ANKFY1: variants seen among roughly 807,000 people sequenced by gnomAD.
ANKFY1 encodes the protein ankyrin repeat and FYVE domain-containing protein 1.
A neutral mutation model predicts 128.3 loss-of-function variants in ANKFY1; 47 were observed. The ratio of observed to expected loss-of-function variants is 0.37; its 90% CI spans 0.29 to 0.47. The LOEUF is 0.47. Among genes scored for constraint, ANKFY1 ranks in the 20% least tolerant of loss-of-function variants. The pLI is 1.00. For synonymous variants in ANKFY1, 553 were observed against 601.6 expected (o/e 0.92, Z 1.18); for missense variants, 1,222 against 1,510.6 (o/e 0.81, Z 3.17).
chr17:4,199,238 C>A (rs1056643841), intron 7 of ANKFY1, among the ~76,000 whole-genome samples: 5 of 152,266 alleles, frequency 3.3e-5, no homozygotes, highest in Admixed American at 2.6e-4. Context: ...GCCACCCAGG[C>A]TGGTGCACTG....
intron 2 of ANKFY1, among the ~76,000 whole-genome samples, chr17:4,241,025 G>A (rs1967183170): frequency 6.6e-6 from 1 of 152,080 alleles, no homozygotes; most frequent in South Asian, 2.1e-4. Context: ...CTAACATCCT[G>A]TTGCCGCTAT....
chr17:4,242,304 C>T lies in ANKFY1; in HGVS notation c.155G>A (p.Ser52Asn). The T allele has an allele frequency of 6.3e-7, 1 of 1,593,752 alleles. No individual in the cohort carries two copies. Among genetic ancestry groups the T allele is most frequent in the Non-Finnish European group, 8.5e-7 (1 of 1,172,890 alleles). ...NKESSSESFISRLLAIVADLY... is the reference protein window; with the variant it reads ...NKESSSESFINRLLAIVADLY... ...GTCTGCCACGATGGCCAGCAGACGGCTGATGAAGGACTCGCTGCTGCTCTC... is the reference window on the plus strand; with the variant it reads ...GTCTGCCACGATGGCCAGCAGACGGTTGATGAAGGACTCGCTGCTGCTCTC... Residue 52 changes from serine to asparagine, a missense_variant, in exon 2 of 25, where the codon AGC becomes AAC. By Grantham distance (46) the Ser-to-Asn change is conservative. Transcript: ENST00000341657.
chr17:4,254,357 C>A (rs1320559336), intron 1 of ANKFY1, among the ~76,000 whole-genome samples: 1 of 150,308 alleles, frequency 6.7e-6, no homozygotes, highest in African/African-American at 2.4e-5. Context: ...GGAGTCTGAC[C>A]CACTCAGAGT....
At chr17:4,236,949 A>C (rs1966935955) in intron 2 of ANKFY1, among the ~76,000 whole-genome samples, 1 of 152,094 alleles carries the variant, frequency 6.6e-6, no homozygotes, top group African/African-American at 2.4e-5. Flanking sequence ...CATCCTGGCT[A>C]ACATAGTGAA....
chr17:4,256,344 C>T (rs1013365829), intron 1 of ANKFY1, among the ~76,000 whole-genome samples: 2 of 152,120 alleles, frequency 1.3e-5, no homozygotes, highest in African/African-American at 4.8e-5. Context: ...AGGAGAACGG[C>T]GTGAACCCGG....
chr17:4,217,344 C>G (rs1479054130), intron 3 of ANKFY1, among the ~76,000 whole-genome samples: 1 of 152,110 alleles, frequency 6.6e-6, no homozygotes, highest in African/African-American at 2.4e-5. Flanking sequence ...GTCAGGAGTT[C>G]GAGACCAGCC....
At chr17:4,247,039 G>C (rs1187418150) in intron 1 of ANKFY1, among the ~76,000 whole-genome samples, 1 of 151,850 alleles carries the variant, frequency 6.6e-6, no homozygotes, top group East Asian at 1.9e-4. Context: ...CTTGAGCCTG[G>C]TAGGACGTAG....
chr17:4,190,196 T>C (rs760470808), intron 10 of ANKFY1, among the ~76,000 whole-genome samples: 4 of 152,202 alleles, frequency 2.6e-5, no homozygotes, highest in Non-Finnish European at 5.9e-5. Context: ...ATCCCAGCAC[T>C]TTTGGAGGCC....
intron 7 of ANKFY1, among the ~76,000 whole-genome samples, chr17:4,204,896 C>G (rs1222989629): frequency 6.6e-6 from 1 of 152,120 alleles, no homozygotes; most frequent in Non-Finnish European, 1.5e-5. Flanking sequence ...CTGACATACT[C>G]GAAGGATTTC....
chr17:4,185,019 G>A lies in ANKFY1; in HGVS notation c.1498C>T (p.Arg500Trp). 2.5e-6 allele frequency: 4 copies of A among 1,613,550 alleles called. No homozygotes were observed. The highest frequency in any genetic ancestry group is 1.3e-5 in the African/African-American group (1 of 75,064). ...GCCGTGAGGTTGGCCAGGCCATGCC[G>A]ACACGCTGTGTGCAACGGGGTTTCT... Reference protein sequence around the residue: ...WGETPLHTACRHGLANLTAEL... With the variant: ...WGETPLHTACWHGLANLTAEL... The change falls in exon 12 of 25, where the codon CGG becomes TGG. Residue 500 changes from arginine to tryptophan, a missense_variant. Coordinates refer to ENST00000341657, the MANE Select transcript of ANKFY1 (RefSeq NM_001330063.2).
intron 3 of ANKFY1, chr17:4,222,789 A>C: frequency 9.9e-7 from 1 of 1,010,814 alleles, no homozygotes; most frequent in South Asian, 1.3e-5. Context: ...TAGTATGAAA[A>C]GGGTTGAACT....
chr17:4,230,507 A>G (rs1388022666), intron 3 of ANKFY1, among the ~76,000 whole-genome samples: 3 of 152,240 alleles, frequency 2.0e-5, no homozygotes, highest in African/African-American at 7.2e-5. Context: ...AAATTGCTTT[A>G]CTTCACCAAG....
Position 4,169,032 on chromosome 17 carries a change from C to T in ANKFY1, c.3377+166G>A. 1 of 612,584 alleles carries T rather than the reference C, an allele frequency of 1.6e-6. No individual in the cohort carries two copies. Among genetic ancestry groups the T allele is most frequent in the Non-Finnish European group, 2.9e-6 (1 of 344,870 alleles). 37.9% of individuals were successfully genotyped at this position (612,584 alleles called of 1,614,324 possible). ...TCCCTGCCTTCCCTACATCTCTGTT[C>T]CTCAGTAGGATCCTTGGGTGTGCTC... On this transcript the variant is annotated intron_variant, in intron 24 of 24. Transcript: ENST00000341657. This position sits in a 1 kb window ranked among gnomAD's most constrained non-coding sequence, Gnocchi z 5.0.
intron 11 of ANKFY1, among the ~76,000 whole-genome samples, 176 bp downstream of exon 11, chr17:4,189,204 ACC>A (rs989591363): frequency 5.3e-5 from 8 of 152,184 alleles, no homozygotes; most frequent in African/African-American, 1.9e-4. Context: ...GAATCAATCA[ACC>A]AATATTTGAA....
chr17:4,239,211 A>G (rs1967072700), intron 2 of ANKFY1, among the ~76,000 whole-genome samples: 1 of 152,210 alleles, frequency 6.6e-6, no homozygotes, highest in Admixed American at 6.5e-5. Flanking sequence ...AAAATTACTA[A>G]TCAATTGATA....
intron 1 of ANKFY1, among the ~76,000 whole-genome samples, chr17:4,263,251 G>A (rs1283303225): frequency 2.0e-5 from 3 of 152,222 alleles, no homozygotes; most frequent in East Asian, 1.9e-4. Context: ...AAGTGCACGA[G>A]ACCAGAGGGT....
chr17:4,167,694 C>T lies in ANKFY1; in HGVS notation c.*85G>A, dbSNP rs1406854929. 4.3e-6 allele frequency: 6 copies of T among 1,394,224 alleles called. No homozygotes were observed. The African/African-American group carries it at 5.8e-5, about 13-fold the overall frequency. 86.4% of individuals were successfully genotyped at this position (1,394,224 alleles called of 1,614,324 possible). Reference sequence around the variant, plus strand: ...GCCGCAGGAAGACACCCGCCAGCTCCTGCTCTGGGTGGGGTCAGGCTGGTG... The same window carrying T: ...GCCGCAGGAAGACACCCGCCAGCTCTTGCTCTGGGTGGGGTCAGGCTGGTG... On this transcript the variant is annotated 3_prime_UTR_variant, in exon 25 of 25. Coordinates refer to ENST00000341657, the MANE Select transcript of ANKFY1 (RefSeq NM_001330063.2). The surrounding 1 kb of genome is among the most constrained non-coding windows in gnomAD (Gnocchi z 4.1).
chr17:4,182,174 G>C lies in ANKFY1; in HGVS notation c.2121+7C>G, dbSNP rs1567916974. On this transcript the variant is annotated splice_region_variant and intron_variant, in intron 15 of 24. Coordinates refer to ENST00000341657, the MANE Select transcript of ANKFY1 (RefSeq NM_001330063.2). ...GTAAACAGAGGCTAACGTTGTGCCT[G>C]TCTCACCAGAGTGGATGCGATGTCC... 2.0e-6 allele frequency: 3 copies of C among 1,493,966 alleles called. No homozygotes were observed. The highest frequency in any genetic ancestry group is 2.7e-6 in the Non-Finnish European group (3 of 1,107,348). The allele number at this position is 1,493,966 out of a possible 1,614,324, so 92.5% of individuals were successfully genotyped here. A position where few individuals can be genotyped will look rare whatever the true frequency, so the allele number is the denominator to read the frequency against.
intron 3 of ANKFY1, among the ~76,000 whole-genome samples, chr17:4,230,829 A>C (rs1190627324): frequency 6.6e-6 from 1 of 152,250 alleles, no homozygotes; most frequent in Non-Finnish European, 1.5e-5. Flanking sequence ...TACTTTGAGA[A>C]AAGCTGCAGA....
Sources: allele counts gnomAD v4.1 joint callset (sites outside exome capture counted in the v4.1 genomes callset), GRCh38; gene constraint gnomAD v4.1.1; non-coding constraint Gnocchi (gnomAD v3.1); transcripts MANE v1.5; gene names NCBI Gene and HGNC (gene_info 2026-07-23, HGNC 2026-07-21).